STX11: variants seen among roughly 807,000 people sequenced by gnomAD.
STX11 encodes syntaxin 11, also known as syntaxin-11.
A neutral mutation model predicts 19.9 loss-of-function variants in STX11; 21 were observed. The observed-to-expected ratio is 1.06, with a 90% CI of 0.75 to 1.52. STX11 has a LOEUF of 1.52. STX11 is among the 40% of genes most tolerant of loss of function. The pLI is 0.00. For synonymous variants in STX11, 193 were observed against 174.4 expected (o/e 1.11, Z -0.84); for missense variants, 438 against 405.9 (o/e 1.08, Z -0.68).
chr6:144,162,823 C>T lies in STX11; in HGVS notation c.-6+12120C>T, dbSNP rs1353664386. ...AATTACTCAACTATCATTTATAAAT[C>T]TTCTTGTTGATATTCATAGAAAGTG... On this transcript the variant is annotated intron_variant, in intron 1 of 1. Coordinates refer to ENST00000367568, the MANE Select transcript of STX11 (RefSeq NM_003764.4). This position sits in a 1 kb window ranked among gnomAD's most constrained non-coding sequence, Gnocchi z 4.6. Among the ~76,000 whole-genome samples, 2 of 152,206 alleles carry T rather than the reference C, an allele frequency of 1.3e-5. No homozygotes were observed. Among genetic ancestry groups the T allele is most frequent in the African/African-American group, 4.8e-5 (2 of 41,452 alleles).
upstream of STX11, chr6:144,150,416 G>C: frequency 1.1e-6 from 1 of 894,556 alleles, no homozygotes; most frequent in Non-Finnish European, 1.3e-6. Flanking sequence ...CGCGCTCTGT[G>C]AGCCGGCTGC....
At position 144,169,519 on chromosome 6, in the gene STX11, A is replaced by G. The variant is rs1425217264; in HGVS notation, c.-5-17104A>G. Among the ~76,000 whole-genome samples, 1 of 152,154 alleles carries G rather than the reference A, an allele frequency of 6.6e-6. No homozygotes were observed. The highest frequency in any genetic ancestry group is 1.5e-5 in the Non-Finnish European group (1 of 68,022). On this transcript the variant is annotated intron_variant, in intron 1 of 1. Transcript: ENST00000367568. The surrounding 1 kb of genome is among the most constrained non-coding windows in gnomAD (Gnocchi z 5.2). Reference sequence around the variant, plus strand: ...GATCTAGCATGTTTATGGCCAGCATACCATTAAATGGCATGTGTTCAGTGT... The same window carrying G: ...GATCTAGCATGTTTATGGCCAGCATGCCATTAAATGGCATGTGTTCAGTGT...
At chr6:144,158,158 C>T (rs1359906333) in intron 1 of STX11, among the ~76,000 whole-genome samples, 1 of 152,202 alleles carries the variant, frequency 6.6e-6, no homozygotes, top group East Asian at 1.9e-4. Flanking sequence ...TTATGCCTTT[C>T]GTGGTGACCA....
chr6:144,171,159 T>A (rs1265169109), intron 1 of STX11, among the ~76,000 whole-genome samples: 1 of 152,230 alleles, frequency 6.6e-6, no homozygotes, highest in Non-Finnish European at 1.5e-5. Flanking sequence ...TGTCTCCACA[T>A]AATTCCCCAG....
the STX11 span, among the ~76,000 whole-genome samples, chr6:144,142,471 T>G: frequency 1.3e-5 from 2 of 152,204 alleles, no homozygotes. Flanking sequence ...CTTTAACTTA[T>G]TATATATTGA....
At chr6:144,157,498 A>G (rs1345754957) in intron 1 of STX11, among the ~76,000 whole-genome samples, 3 of 152,226 alleles carry the variant, frequency 2.0e-5, no homozygotes, top group Non-Finnish European at 2.9e-5. Flanking sequence ...TCTCCTCTGC[A>G]ACAGCCTTGT....
At position 144,174,886 on chromosome 6, in the gene STX11, A is replaced by C. The variant is rs574826507; in HGVS notation, c.-5-11737A>C. Among the ~76,000 whole-genome samples, 7 of 152,252 alleles carry C rather than the reference A, an allele frequency of 4.6e-5. No individual in the cohort carries two copies. Among genetic ancestry groups the C allele is most frequent in the African/African-American group, 1.7e-4 (7 of 41,558 alleles). The stretch of plus-strand genomic sequence containing the variant: ...AGTGGCACACATCTGTAATTACAGC[A>C]CTTTGGGAGGTTGAGGCAGAGGGGA... On this transcript the variant is annotated intron_variant, in intron 1 of 1. Coordinates refer to ENST00000367568, the MANE Select transcript of STX11 (RefSeq NM_003764.4). This position sits in a 1 kb window ranked among gnomAD's most constrained non-coding sequence, Gnocchi z 5.3.
In STX11 at chr6:144,174,621, GCCTCCCAAGCCAGGATTACAGATAT is replaced by G; in HGVS notation, c.-5-12001_-5-11977del. Among the ~76,000 whole-genome samples, 1 of 152,082 alleles carries G rather than the reference GCCTCCCAAGCCAGGATTACAGATAT, an allele frequency of 6.6e-6. No individual in the cohort carries two copies. On this transcript the variant is annotated intron_variant, in intron 1 of 1. Coordinates refer to ENST00000367568, the MANE Select transcript of STX11 (RefSeq NM_003764.4). The surrounding 1 kb of genome is among the most constrained non-coding windows in gnomAD (Gnocchi z 5.3). The stretch of plus-strand genomic sequence containing the variant: ...GGGCACAAGCGATCCACCCGCCTTG[GCCTCCCAAGCCAGGATTACAGATAT>G]GAGTCCCTGTGCCTGGCCAGAAAAG...
In STX11 at chr6:144,190,418, G is replaced by A. The variant is rs1315065776; in HGVS notation, c.*2927G>A. On this transcript the variant is annotated 3_prime_UTR_variant, in exon 2 of 2. Transcript: ENST00000367568. ...GCTAAGTGCTTTGTTCATTATTGTT[G>A]TTATTATGTAATTTTCTCTCAGACT... Among the ~76,000 whole-genome samples the A allele has an allele frequency of 6.6e-6, 1 of 152,162 alleles. No homozygotes were observed. The highest frequency in any genetic ancestry group is 2.4e-5 in the African/African-American group (1 of 41,446).
the STX11 span, among the ~76,000 whole-genome samples, chr6:144,143,131 T>C: frequency 1.3e-5 from 2 of 152,346 alleles, no homozygotes; most frequent in Non-Finnish European, 2.9e-5. Context: ...GCAAAAAGAT[T>C]TGCCTGTGAA....
upstream of STX11, among the ~76,000 whole-genome samples, chr6:144,146,491 T>C (rs1267254929): frequency 1.3e-5 from 2 of 152,208 alleles, no homozygotes; most frequent in Non-Finnish European, 2.9e-5. This position sits in a 1 kb window ranked among gnomAD's most constrained non-coding sequence, Gnocchi z 4.4. Context: ...TTTGTATTTT[T>C]AGTAGAGACG....
At chr6:144,179,372 T>C (rs1246014943) in intron 1 of STX11, among the ~76,000 whole-genome samples, 1 of 152,144 alleles carries the variant, frequency 6.6e-6, no homozygotes, top group Non-Finnish European at 1.5e-5. Flanking sequence ...ATTTTAAAAA[T>C]CAAGAAACAG....
intron 1 of STX11, among the ~76,000 whole-genome samples, chr6:144,171,763 A>G (rs1801644471): frequency 6.6e-6 from 1 of 151,834 alleles, no homozygotes. Context: ...AGTCTTCAAA[A>G]AACAAACAAA....
At chr6:144,157,064 G>C (rs996287509) in intron 1 of STX11, among the ~76,000 whole-genome samples, 8 of 152,200 alleles carry the variant, frequency 5.3e-5, no homozygotes, top group African/African-American at 1.9e-4. Flanking sequence ...ACTGAAAGGC[G>C]CAAGTTCAGT....
chr6:144,157,563 A>T (rs1182981351), intron 1 of STX11, among the ~76,000 whole-genome samples: 1 of 152,076 alleles, frequency 6.6e-6, no homozygotes, highest in Non-Finnish European at 1.5e-5. Context: ...GAAAGTTGTC[A>T]TTTTTTTCCA....
In STX11 at chr6:144,188,649, A is replaced by G. The variant is rs1214736310; in HGVS notation, c.*1158A>G. Among the ~76,000 whole-genome samples the G allele has an allele frequency of 1.3e-5, 2 of 151,852 alleles. No individual in the cohort carries two copies. The highest frequency in any genetic ancestry group is 2.4e-5 in the African/African-American group (1 of 41,284). ...AAGCAAGCTTAATAAACATTACATT[A>G]TACACATATTTTTATACATTTCTGG... is the stretch of plus-strand genomic sequence containing the variant. On this transcript the variant is annotated 3_prime_UTR_variant, in exon 2 of 2. Transcript: ENST00000367568.
chr6:144,140,715 A>C, the STX11 span: 3 of 983,976 alleles, frequency 3.0e-6, no homozygotes, highest in African/African-American at 5.2e-5. Flanking sequence ...AAGAGTGCCA[A>C]AGGGAAAAGT....
At position 144,190,405 on chromosome 6, in the gene STX11, G is replaced by T. The variant is rs1802185223; in HGVS notation, c.*2914G>T. Reference sequence around the variant, plus strand: ...GTGCCTGGCACATGCTAAGTGCTTTGTTCATTATTGTTGTTATTATGTAAT... The same window carrying T: ...GTGCCTGGCACATGCTAAGTGCTTTTTTCATTATTGTTGTTATTATGTAAT... On this transcript the variant is annotated 3_prime_UTR_variant, in exon 2 of 2. Transcript: ENST00000367568. 6.6e-6 allele frequency among the ~76,000 whole-genome samples: 1 copy of T among 152,200 alleles called. No homozygotes were observed. Among genetic ancestry groups the T allele is most frequent in the African/African-American group, 2.4e-5 (1 of 41,442 alleles).
At chr6:144,186,329 A>C (rs947221620) in intron 1 of STX11, among the ~76,000 whole-genome samples, 1 of 40,228 alleles carries the variant, frequency 2.5e-5, no homozygotes, top group Admixed American at 1.5e-4. Flanking sequence ...AATATATATA[A>C]ATAAATAAAT....
Sources: allele counts gnomAD v4.1 joint callset (sites outside exome capture counted in the v4.1 genomes callset), GRCh38; gene constraint gnomAD v4.1.1; non-coding constraint Gnocchi (gnomAD v3.1); transcripts MANE v1.5; gene names NCBI Gene and HGNC (gene_info 2026-07-23, HGNC 2026-07-21).